Variants in DOP1B observed in about 807,000 individuals in gnomAD.
DOP1B encodes the protein DOP1 leucine zipper like protein B.
In DOP1B, 174 loss-of-function variants were observed where a neutral mutation model predicts 233.5. The ratio of observed to expected loss-of-function variants is 0.75; its 90% CI spans 0.66 to 0.85. DOP1B has a LOEUF of 0.85. DOP1B is among the 40% of genes least tolerant of loss of function. The pLI, the probability that DOP1B is intolerant of heterozygous loss-of-function variation, is 0.00. For synonymous variants in DOP1B, 1,190 were observed against 1,185.6 expected (o/e 1.00, Z -0.08); for missense variants, 2,652 against 2,846.6 (o/e 0.93, Z 1.56).
intron 6 of DOP1B, 84 bp downstream of exon 6, chr21:36,211,735 G>T: frequency 6.9e-7 from 1 of 1,448,426 alleles, no homozygotes; most frequent in South Asian, 1.2e-5. Context: ...GTCGTACGAG[G>T]ACAGCTCAGC....
At chr21:36,207,737 G>A (rs983577214) in intron 4 of DOP1B, among the ~76,000 whole-genome samples, 1 of 152,094 alleles carries the variant, frequency 6.6e-6, no homozygotes, top group Non-Finnish European at 1.5e-5. Context: ...GTTTTTTGTG[G>A]TCTTTGCAGA....
chr21:36,169,072 G>T, intron 2 of DOP1B: 2 of 876,238 alleles, frequency 2.3e-6, no homozygotes, highest in Non-Finnish European at 1.9e-6. Context: ...ACTTGGAGGT[G>T]GTGTCAGTGA....
rs771044203 is a variant in DOP1B at position 36,246,073 on chromosome 21, T to G, written c.4093T>G (p.Ser1365Ala). 3.1e-6 allele frequency: 5 copies of G among 1,613,968 alleles called. No individual in the cohort carries two copies. Among genetic ancestry groups the G allele is most frequent in the Admixed American group, 3.3e-5 (2 of 59,994 alleles). ...IMMQLVSVAK[S>A]SEGKNVEFIH... The stretch of plus-strand genomic sequence containing the variant: ...GATGCAGCTGGTCTCAGTGGCCAAG[T>G]CTTCGGAAGGGAAGAACGTGGAGTT... The change falls in exon 19 of 37, where the codon TCT (serine) becomes GCT (alanine). Residue 1365 changes from serine (S) to alanine (A), a missense_variant. Ser to Ala is a moderately conservative substitution (Grantham distance 99, BLOSUM62 1). Around this residue, in one of 3 missense-constraint regions of DOP1B, gnomAD observed 2,617 missense variants for 2,794.3 expected, o/e 0.94. Transcript: ENST00000691173. This position sits in a 1 kb window ranked among gnomAD's most constrained non-coding sequence, Gnocchi z 5.1.
intron 2 of DOP1B, among the ~76,000 whole-genome samples, chr21:36,188,383 C>T (rs111393510): frequency 3.3e-4 from 50 of 152,158 alleles, no homozygotes; most frequent in African/African-American, 1.2e-3. Context: ...CTCTTGCCAC[C>T]GCCACTCCCT....
In DOP1B at chr21:36,237,302, C is replaced by A. The variant is rs751797793; in HGVS notation, c.2663C>A (p.Thr888Asn). 6.2e-7 allele frequency: 1 copy of A among 1,614,122 alleles called. No individual in the cohort carries two copies. The highest frequency in any genetic ancestry group is 8.5e-7 in the Non-Finnish European group (1 of 1,180,028). The change falls in exon 16 of 37, where the codon ACC (threonine) becomes AAC (asparagine). Residue 888 changes from threonine (T) to asparagine (N), a missense_variant. Thr to Asn is a moderately conservative substitution (Grantham distance 65, BLOSUM62 0). This residue lies in a region of DOP1B where 2,617 missense variants were observed against 2,794.3 expected (regional missense o/e 0.94). Transcript: ENST00000691173. ...RVLWNQLNKE[T>N]REHHVTCVEL... ...CTTTGGAATCAGCTGAACAAAGAGACCCGGGAGCATCACGTCACCTGCGTA... is the reference window on the plus strand; with the variant it reads ...CTTTGGAATCAGCTGAACAAAGAGAACCGGGAGCATCACGTCACCTGCGTA...
intron 16 of DOP1B, among the ~76,000 whole-genome samples, 188 bp from the exon 17 acceptor site, chr21:36,238,413 G>C (rs773113328): frequency 6.6e-6 from 1 of 152,194 alleles, no homozygotes; most frequent in Non-Finnish European, 1.5e-5. Flanking sequence ...AACAATCAGA[G>C]AGAGAGGATG....
intron 23 of DOP1B, among the ~76,000 whole-genome samples, chr21:36,255,375 C>T (rs1348695632): frequency 6.6e-6 from 1 of 151,940 alleles, no homozygotes; most frequent in African/African-American, 2.4e-5. Flanking sequence ...ACTCCACTTG[C>T]CTTGGCCTCC....
At chr21:36,267,252 A>G (rs985088684) in intron 26 of DOP1B, among the ~76,000 whole-genome samples, 1 of 152,146 alleles carries the variant, frequency 6.6e-6, no homozygotes, top group African/African-American at 2.4e-5. Flanking sequence ...ACTTCACCCC[A>G]CTGAGTCAGT....
intron 32 of DOP1B, 125 bp downstream of exon 32, chr21:36,281,736 G>A: frequency 1.1e-6 from 1 of 899,238 alleles, no homozygotes; most frequent in Non-Finnish European, 1.6e-6. Flanking sequence ...ATCCAGGGCT[G>A]GCGTCTGGCA....
intron 22 of DOP1B, among the ~76,000 whole-genome samples, chr21:36,252,308 G>C (rs1179679115): frequency 6.6e-6 from 1 of 151,624 alleles, no homozygotes; most frequent in Non-Finnish European, 1.5e-5. Flanking sequence ...AATCACACTT[G>C]TTAGCTGGGC....
intron 13 of DOP1B, among the ~76,000 whole-genome samples, chr21:36,228,431 G>A (rs2066717726): frequency 6.6e-6 from 1 of 151,508 alleles, no homozygotes; most frequent in Non-Finnish European, 1.5e-5. Flanking sequence ...CTGCACTTAA[G>A]CCTGGGCAAC....
intron 14 of DOP1B, among the ~76,000 whole-genome samples, chr21:36,231,871 G>A (rs2066769769): frequency 7.0e-6 from 1 of 141,906 alleles, no homozygotes; most frequent in African/African-American, 2.7e-5. Flanking sequence ...TTTTGAGACA[G>A]CGTCTTGCTC....
chr21:36,247,414 TG>T, intron 19 of DOP1B, 102 bp from the exon 20 acceptor site: 1 of 605,282 alleles, frequency 1.7e-6, no homozygotes, highest in Non-Finnish European at 2.7e-6. Context: ...TTATTTGGGA[TG>T]GTGATCTCTC....
At chr21:36,228,766 AAAAT>A (rs1018649999) in intron 13 of DOP1B, among the ~76,000 whole-genome samples, 4 of 145,336 alleles carry the variant, frequency 2.8e-5, no homozygotes, top group Non-Finnish European at 4.5e-5. Context: ...ACTCTGTCTC[AAAAT>A]AAATAAATAA....
At chr21:36,161,624 G>C (rs1303261832) in intron 1 of DOP1B, among the ~76,000 whole-genome samples, 3 of 152,160 alleles carry the variant, frequency 2.0e-5, no homozygotes, top group Non-Finnish European at 4.4e-5. Flanking sequence ...GAGTAGCTGG[G>C]ATCACAGGCA....
At chr21:36,179,741 G>A (rs1473066241) in intron 2 of DOP1B, among the ~76,000 whole-genome samples, 1 of 152,204 alleles carries the variant, frequency 6.6e-6, no homozygotes, top group Admixed American at 6.5e-5. Flanking sequence ...TCTTGTGTGT[G>A]TGTGAGAGAA....
chr21:36,226,260 T>C (rs909360477), intron 12 of DOP1B, among the ~76,000 whole-genome samples: 3 of 151,914 alleles, frequency 2.0e-5, no homozygotes, highest in African/African-American at 7.3e-5. Flanking sequence ...ACAAAAACAA[T>C]AGAAATGTTC....
intron 23 of DOP1B, among the ~76,000 whole-genome samples, chr21:36,259,419 C>T (rs1382505012): frequency 6.6e-6 from 1 of 151,960 alleles, no homozygotes; most frequent in African/African-American, 2.4e-5. Context: ...TACAGGCTTG[C>T]GCCACCATGC....
intron 3 of DOP1B, among the ~76,000 whole-genome samples, chr21:36,199,510 A>G (rs11909219): frequency 0.056 from 8,495 of 151,918 alleles, 263 homozygotes; most frequent in African/African-American, 0.09. Context: ...ACATGTATAC[A>G]TGTGCCATGT....
Sources: gnomAD v4.1 joint callset for allele counts (sites outside exome capture counted in the v4.1 genomes callset) on GRCh38, gnomAD v4.1.1 for gene constraint, gnomAD v4.1.1 regional missense constraint, Gnocchi (gnomAD v3.1) non-coding constraint, MANE v1.5 for transcripts, NCBI Gene and HGNC (gene_info 2026-07-23, HGNC 2026-07-21) for gene names.